The following DIS3L2 variants were observed in gnomAD, a reference collection of about 807,000 sequenced individuals.
DIS3L2 encodes the protein DIS3 like 3'-5' exoribonuclease 2.
In DIS3L2, 34 loss-of-function variants were observed where a neutral mutation model predicts 97.5. The observed-to-expected ratio is 0.35, with a 90% CI of 0.27 to 0.46. The LOEUF is 0.46. DIS3L2 is among the 20% of genes least tolerant of loss of function. The pLI is 1.00. For synonymous variants in DIS3L2, 435 were observed against 445.2 expected (o/e 0.98, Z 0.29); for missense variants, 1,038 against 1,146.0 (o/e 0.91, Z 1.36).
intron 11 of DIS3L2, among the ~76,000 whole-genome samples, chr2:232,245,768 T>A (rs912906990): frequency 2.0e-5 from 3 of 152,226 alleles, no homozygotes; most frequent in African/African-American, 7.2e-5. Context: ...AGATATAGGA[T>A]ACCACACAGT....
At chr2:232,299,673 A>G (rs926850810) in intron 13 of DIS3L2, among the ~76,000 whole-genome samples, 13 of 152,242 alleles carry the variant, frequency 8.5e-5, no homozygotes, top group African/African-American at 1.7e-4. Flanking sequence ...CTACACATAT[A>G]TGCACATTCA....
rs149707575 is a variant in DIS3L2, at chr2:232,222,509, C to T, written c.1204+12104C>T. On this transcript the variant is annotated intron_variant, in intron 10 of 20. Coordinates refer to ENST00000325385, the MANE Select transcript of DIS3L2 (RefSeq NM_152383.5). ...TTTTTAAGACTGAGTCTTGCTCTGT[C>T]GCCCAGGCTGGAGTGCGATGGCGCA... Among the ~76,000 whole-genome samples, 1,092 of 152,176 alleles carry T rather than the reference C, an allele frequency of 7.2e-3. 12 individuals are homozygous for T. The highest frequency in any genetic ancestry group is 0.025 in the African/African-American group (1,054 of 41,522).
At chr2:232,338,757 G>A (rs1266899993), downstream of DIS3L2, among the ~76,000 whole-genome samples, 3 of 152,378 alleles carry the variant, frequency 2.0e-5, no homozygotes, top group East Asian at 5.8e-4. Flanking sequence ...GCATTCACAG[G>A]ATGGCTCTCC....
In DIS3L2 at chr2:232,276,974, C is replaced by G. The variant is rs1374264537; in HGVS notation, c.1659+13534C>G. Among the ~76,000 whole-genome samples the G allele has an allele frequency of 6.6e-6, 1 of 152,222 alleles. No homozygotes were observed. ...AGAGCTACTTTAACACAGAGGTGAA[C>G]TTGGAAGGACTACAGTAAACGATGG... On this transcript the variant is annotated intron_variant, in intron 13 of 20. Transcript: ENST00000325385. This position sits in a 1 kb window ranked among gnomAD's most constrained non-coding sequence, Gnocchi z 4.4.
At chr2:232,315,413 T>C (rs999504160) in intron 14 of DIS3L2, among the ~76,000 whole-genome samples, 4 of 152,230 alleles carry the variant, frequency 2.6e-5, no homozygotes, top group African/African-American at 7.2e-5. Context: ...GGTTTGAGCC[T>C]GAAGAAAGGT....
At chr2:232,096,091 T>C (rs1697001153) in intron 6 of DIS3L2, among the ~76,000 whole-genome samples, 1 of 151,480 alleles carries the variant, frequency 6.6e-6, no homozygotes, top group Non-Finnish European at 1.5e-5. Context: ...AGTTGTCTTT[T>C]TTTTTTTTCT....
At chr2:232,194,273 A>T (rs1195532386) in intron 9 of DIS3L2, among the ~76,000 whole-genome samples, 1 of 152,078 alleles carries the variant, frequency 6.6e-6, no homozygotes, top group African/African-American at 2.4e-5. Flanking sequence ...TATTTGCAAG[A>T]TACTGAAATA....
intron 1 of DIS3L2, among the ~76,000 whole-genome samples, chr2:231,974,054 A>G (rs1326959615): frequency 1.3e-5 from 2 of 152,132 alleles, no homozygotes; most frequent in African/African-American, 2.4e-5. Context: ...AAAAATATAT[A>G]TATATACTTT....
intron 5 of DIS3L2, among the ~76,000 whole-genome samples, chr2:232,067,306 A>G (rs544917698): frequency 2.0e-5 from 3 of 152,310 alleles, no homozygotes; most frequent in African/African-American, 7.2e-5. Context: ...GCTACTTTAC[A>G]TGCATTGCAC....
chr2:232,019,914 A>T (rs1289047113), intron 3 of DIS3L2, among the ~76,000 whole-genome samples: 1 of 151,934 alleles, frequency 6.6e-6, no homozygotes, highest in Non-Finnish European at 1.5e-5. Context: ...AATTAGAGAG[A>T]GCCTCTTTAG....
At chr2:232,108,421 A>G (rs1301406707) in intron 6 of DIS3L2, among the ~76,000 whole-genome samples, 1 of 152,216 alleles carries the variant, frequency 6.6e-6, no homozygotes, top group African/African-American at 2.4e-5. Flanking sequence ...CTAATATCAT[A>G]CAGAATGGGC....
chr2:232,285,681 G>A (rs1201849161), intron 13 of DIS3L2, among the ~76,000 whole-genome samples: 1 of 151,110 alleles, frequency 6.6e-6, no homozygotes. Context: ...GTTGATTTAT[G>A]TATTGCCAGA....
At chr2:232,061,779 A>G (rs987997568) in intron 5 of DIS3L2, among the ~76,000 whole-genome samples, 2 of 152,162 alleles carry the variant, frequency 1.3e-5, no homozygotes, top group Non-Finnish European at 2.9e-5. Context: ...TGAAATGTGA[A>G]TTAGAAATGA....
At position 232,334,705 on chromosome 2, in the gene DIS3L2, C is replaced by G. The variant is rs910668195; in HGVS notation, c.2364C>G (p.Arg788=). 2.5e-6 allele frequency: 4 copies of G among 1,609,628 alleles called. No homozygotes were observed. The African/African-American group carries it at 4.0e-5, about 16-fold the overall frequency. Residue 788 remains arginine, a synonymous_variant, in exon 19 of 21, where the codon CGC becomes CGG. Transcript: ENST00000325385. ...LKQAFDVLVL[R]YGVQKRIYCN... The stretch of plus-strand genomic sequence containing the variant: ...AAGCCTTCGACGTGCTGGTGCTGCG[C>G]TACGGCGTGCAGAAGCGCATCTACT...
intron 1 of DIS3L2, among the ~76,000 whole-genome samples, chr2:232,001,172 A>G (rs1443460452): frequency 6.6e-6 from 1 of 152,166 alleles, no homozygotes; most frequent in Non-Finnish European, 1.5e-5. Context: ...ATTTCCACCA[A>G]CAGTGTACAA....
intron 14 of DIS3L2, 28 bp from the exon 15 acceptor site, chr2:232,329,785 T>TCCCGGGGGCGCCCC: frequency 1.0e-6 from 1 of 967,144 alleles, no homozygotes; most frequent in Non-Finnish European, 1.5e-6. Context: ...ACCCCAGCGG[T>TCCCGGGGGCGCCCC]CCCTCCCATC....
At chr2:232,205,444 A>G (rs1043041570) in intron 9 of DIS3L2, among the ~76,000 whole-genome samples, 9 of 151,904 alleles carry the variant, frequency 5.9e-5, no homozygotes, top group African/African-American at 1.7e-4. Flanking sequence ...CTGGGACTAC[A>G]TGCTCATGCC....
chr2:232,254,442 G>A (rs967330152), intron 12 of DIS3L2, among the ~76,000 whole-genome samples: 1 of 152,006 alleles, frequency 6.6e-6, no homozygotes, highest in Non-Finnish European at 1.5e-5. Context: ...GGTTATGTTT[G>A]GGTAGTAAAA....
rs2106239663 is a variant in DIS3L2 at position 232,029,973 on chromosome 2, A to G, written c.265-6A>G. 1 of 1,590,278 alleles carries G rather than the reference A, an allele frequency of 6.3e-7. No homozygotes were observed. Among genetic ancestry groups the G allele is most frequent in the Non-Finnish European group, 8.5e-7 (1 of 1,171,450 alleles). On this transcript the variant is annotated splice_region_variant and splice_polypyrimidine_tract_variant and intron_variant, in intron 4 of 20. Coordinates refer to ENST00000325385, the MANE Select transcript of DIS3L2 (RefSeq NM_152383.5). ...CACTATTGTTTTATTTCTTTTTCCAACCTAGGATGGTGATCGAGACATTTT... is the reference window on the plus strand; with the variant it reads ...CACTATTGTTTTATTTCTTTTTCCAGCCTAGGATGGTGATCGAGACATTTT...
Sources: gnomAD v4.1 joint callset for allele counts (sites outside exome capture counted in the v4.1 genomes callset) on GRCh38, gnomAD v4.1.1 for gene constraint, Gnocchi (gnomAD v3.1) non-coding constraint, MANE v1.5 for transcripts, NCBI Gene and HGNC (gene_info 2026-07-23, HGNC 2026-07-21) for gene names.